Variants in PLD1 observed in about 807,000 individuals in gnomAD.
PLD1 encodes the protein phospholipase D1.
Under a neutral mutation model 137.1 loss-of-function variants are expected in PLD1, and 112 were observed. That is an observed-to-expected ratio of 0.82 (90% CI 0.70 to 0.96). PLD1 has a LOEUF of 0.96. Ranked by LOEUF, PLD1 falls within the 40% of genes least tolerant of loss-of-function variation. The pLI, the probability that PLD1 is intolerant of heterozygous loss-of-function variation, is 0.00. For synonymous variants in PLD1, 431 were observed against 454.7 expected, an observed-to-expected ratio of 0.95 and a Z score of 0.66; for missense variants, 1,321 against 1,342.0, an observed-to-expected ratio of 0.98 and a Z score of 0.24.
intron 21 of PLD1, among the ~76,000 whole-genome samples, chr3:171,645,815 C>T (rs886550116): frequency 3.6e-5 from 5 of 137,222 alleles, no homozygotes; most frequent in African/African-American, 1.1e-4. Context: ...ACCCGGGTGG[C>T]GGAGCTTGCA....
intron 1 of PLD1, among the ~76,000 whole-genome samples, chr3:171,808,601 C>T (rs1017918939): frequency 7.0e-6 from 1 of 143,848 alleles, no homozygotes; most frequent in Non-Finnish European, 1.5e-5. Flanking sequence ...TAAAAGTTAC[C>T]TATAAGAGTT....
intron 6 of PLD1, among the ~76,000 whole-genome samples, chr3:171,726,397 G>C (rs769588323): frequency 1.3e-5 from 2 of 152,148 alleles, no homozygotes; most frequent in Non-Finnish European, 2.9e-5. Flanking sequence ...TGTTGCACGG[G>C]ATGGATATTG....
intron 1 of PLD1, among the ~76,000 whole-genome samples, chr3:171,770,781 C>T (rs1722291348): frequency 6.7e-6 from 1 of 149,280 alleles, no homozygotes; most frequent in East Asian, 2.0e-4. Context: ...CCCAGCTATT[C>T]AGGAGGTTGA....
chr3:171,677,603 G>T lies in PLD1; in HGVS notation c.1959C>A (p.Val653=), dbSNP rs765929750. 1 of 1,614,014 alleles carries T rather than the reference G, an allele frequency of 6.2e-7. No individual in the cohort carries two copies. The highest frequency in any genetic ancestry group is 1.1e-5 in the South Asian group (1 of 91,084). ...TATCAAGTTGAACCCAGTCTTTGAA[G>T]ACGAAATTGCAGTAGTCCTTTCCAT... ...FWHGKDYCNF[V]FKDWVQLDKP... The change falls in exon 17 of 27, where the codon GTC becomes GTA. Residue 653 remains valine (V), a synonymous_variant. Coordinates refer to ENST00000351298, the MANE Select transcript of PLD1 (RefSeq NM_002662.5).
intron 22 of PLD1, chr3:171,643,134 C>T (rs1735909527): frequency 2.8e-6 from 1 of 362,234 alleles, no homozygotes; most frequent in Non-Finnish European, 4.9e-6. Context: ...TGTTAGATTT[C>T]AGAAAGAGAG....
At chr3:171,620,742 C>CTCTCTCTCTCTCTATA (rs1473647659) in intron 23 of PLD1, among the ~76,000 whole-genome samples, 1 of 94,794 alleles carries the variant, frequency 1.1e-5, no homozygotes, top group African/African-American at 4.3e-5. Flanking sequence ...CTCTCTCTCT[C>CTCTCTCTCTCTCTATA]TATATATATA....
intron 1 of PLD1, chr3:171,765,052 A>G (rs1279858234): frequency 6.6e-6 from 1 of 152,158 alleles, no homozygotes; most frequent in East Asian, 1.9e-4. Flanking sequence ...GAGCTAGGGG[A>G]GGAAAAGAGA....
Position 171,605,408 on chromosome 3 carries a change from A to C in PLD1, c.2891T>G (p.Leu964Arg). 1 of 1,604,006 alleles carries C rather than the reference A, an allele frequency of 6.2e-7. No homozygotes were observed. Among genetic ancestry groups the C allele is most frequent in the Middle Eastern group, 1.7e-4 (1 of 6,030 alleles). Residue 964 changes from leucine (L) to arginine (R), a missense_variant, in exon 26 of 27, where the codon CTT (leucine) becomes CGT (arginine). By Grantham distance (102) the Leu-to-Arg change is moderately radical. Coordinates refer to ENST00000351298, the MANE Select transcript of PLD1 (RefSeq NM_002662.5). Reference sequence around the variant, plus strand: ...CTCACTTGGGTCATCAAGATAGCCAAGGACAACCCTGAAATACAAGTGACC... The same window carrying C: ...CTCACTTGGGTCATCAAGATAGCCACGGACAACCCTGAAATACAAGTGACC... ...GLRLQCFRVV[L>R]GYLDDPSEDI...
intron 12 of PLD1, among the ~76,000 whole-genome samples, chr3:171,698,558 G>A (rs2108538606): frequency 6.6e-6 from 1 of 152,146 alleles, no homozygotes; most frequent in East Asian, 1.9e-4. Context: ...AAAGTGGAAT[G>A]CAGAGGATAG....
intron 1 of PLD1, among the ~76,000 whole-genome samples, chr3:171,773,283 C>T (rs1560296361): frequency 6.6e-6 from 1 of 152,104 alleles, no homozygotes; most frequent in Admixed American, 6.5e-5. Context: ...TTTAAATGAG[C>T]CCAAGCTGTA....
chr3:171,661,771 T>C (rs1469427228), intron 20 of PLD1, among the ~76,000 whole-genome samples: 2 of 152,190 alleles, frequency 1.3e-5, no homozygotes, highest in Admixed American at 1.3e-4. Flanking sequence ...CCTATCCATG[T>C]TGGGGTATTT....
At chr3:171,762,495 G>A (rs771201528) in intron 1 of PLD1, among the ~76,000 whole-genome samples, 1 of 152,190 alleles carries the variant, frequency 6.6e-6, no homozygotes, top group Admixed American at 6.5e-5. Context: ...AGCCAGGGGA[G>A]GACACAGTGA....
At chr3:171,678,399 C>G (rs762119527) in intron 16 of PLD1, among the ~76,000 whole-genome samples, 1 of 152,164 alleles carries the variant, frequency 6.6e-6, no homozygotes, top group African/African-American at 2.4e-5. Context: ...ATGGTAACAA[C>G]AGATGAAAGC....
chr3:171,713,934 C>T lies in PLD1; in HGVS notation c.870G>A (p.Glu290=). Residue 290 remains glutamate (E), a synonymous_variant, in exon 9 of 27, where the codon GAG becomes GAA. Coordinates refer to ENST00000351298, the MANE Select transcript of PLD1 (RefSeq NM_002662.5). The part of the protein sequence containing the change: ...KEFKIKVGKK[E]TETKYGIRID... Reference sequence around the variant, plus strand: ...TTCGGATTCCATATTTCGTTTCTGTCTCCTTCTTCCCCACCTTAATTTTGA... The same window carrying T: ...TTCGGATTCCATATTTCGTTTCTGTTTCCTTCTTCCCCACCTTAATTTTGA... 6.2e-7 allele frequency: 1 copy of T among 1,613,082 alleles called. No individual in the cohort carries two copies. The highest frequency in any genetic ancestry group is 8.5e-7 in the Non-Finnish European group (1 of 1,179,090).
chr3:171,670,033 A>C (rs1295314057), intron 19 of PLD1, among the ~76,000 whole-genome samples: 2 of 152,338 alleles, frequency 1.3e-5, no homozygotes, highest in Non-Finnish European at 1.5e-5. Context: ...ACTATGTTAA[A>C]ATCTTGTTCT....
intron 10 of PLD1, among the ~76,000 whole-genome samples, chr3:171,709,156 T>C (rs1357224173): frequency 6.6e-6 from 1 of 152,244 alleles, no homozygotes; most frequent in African/African-American, 2.4e-5. Context: ...CATACAGTTC[T>C]GAGACTGAAA....
intron 11 of PLD1, among the ~76,000 whole-genome samples, 167 bp downstream of exon 11, chr3:171,708,588 T>C (rs763141654): frequency 3.9e-5 from 6 of 152,202 alleles, no homozygotes; most frequent in Non-Finnish European, 8.8e-5. Flanking sequence ...CCAAGGTTTT[T>C]GAAAAGGCCT....
intron 8 of PLD1, 124 bp from the exon 9 acceptor site, chr3:171,714,169 A>G: frequency 1.7e-6 from 1 of 590,360 alleles, no homozygotes; most frequent in Non-Finnish European, 2.9e-6. Context: ...CATTTTCTAC[A>G]CAGGAGATTT....
intron 23 of PLD1, among the ~76,000 whole-genome samples, chr3:171,636,032 C>T (rs1191591391): frequency 2.1e-4 from 19 of 90,582 alleles, no homozygotes; most frequent in Non-Finnish European, 3.3e-4. Flanking sequence ...GCACCATTTG[C>T]TGAAAAGACT....
Sources: gnomAD v4.1 joint callset for allele counts (sites outside exome capture counted in the v4.1 genomes callset) on GRCh38, gnomAD v4.1.1 for gene constraint, MANE v1.5 for transcripts, NCBI Gene and HGNC (gene_info 2026-07-23, HGNC 2026-07-21) for gene names.